Variants in PABPC4L observed in about 807,000 individuals in gnomAD.
PABPC4L encodes polyadenylate-binding protein 4-like.
For synonymous variants in PABPC4L, 169 were observed against 164.1 expected (o/e 1.03, Z -0.23); for missense variants, 452 against 451.4 (o/e 1.00, Z -0.01).
chr4:133,996,636 C>T, the PABPC4L span, among the ~76,000 whole-genome samples: 1 of 152,166 alleles, frequency 6.6e-6, no homozygotes, highest in Non-Finnish European at 1.5e-5. Context: ...GCATTCCTCA[C>T]ACAGGGCACC....
At chr4:134,147,518 T>C in the PABPC4L span, among the ~76,000 whole-genome samples, 2 of 152,258 alleles carry the variant, frequency 1.3e-5, no homozygotes, top group South Asian at 4.1e-4. Flanking sequence ...AAGGGGTTTA[T>C]TATATAGGAG....
chr4:134,141,395 T>A, the PABPC4L span, among the ~76,000 whole-genome samples: 1 of 151,316 alleles, frequency 6.6e-6, no homozygotes, highest in Non-Finnish European at 1.5e-5. Flanking sequence ...GTATGCTTCC[T>A]TTCATCACCT....
the PABPC4L span, among the ~76,000 whole-genome samples, chr4:134,177,213 T>C: frequency 2.1e-5 from 3 of 146,052 alleles, no homozygotes; most frequent in East Asian, 4.2e-4. Context: ...AGACGTAGTC[T>C]AGCTGTCACC....
the PABPC4L span, among the ~76,000 whole-genome samples, chr4:134,050,423 C>T: frequency 1.4e-4 from 22 of 152,032 alleles, no homozygotes; most frequent in African/African-American, 4.8e-4. Flanking sequence ...AAGTGAAAGA[C>T]GGCTGATGCA....
At chr4:134,183,521 T>A in the PABPC4L span, among the ~76,000 whole-genome samples, 1 of 151,762 alleles carries the variant, frequency 6.6e-6, no homozygotes, top group South Asian at 2.1e-4. Context: ...CCATGCTTAT[T>A]ACCTGGGTGA....
At chr4:134,172,015 G>A in the PABPC4L span, among the ~76,000 whole-genome samples, 1 of 151,628 alleles carries the variant, frequency 6.6e-6, no homozygotes, top group Non-Finnish European at 1.5e-5. Flanking sequence ...AAAAATCAAA[G>A]ATGACATGAA....
At chr4:134,010,540 A>G in the PABPC4L span, 2 of 152,144 alleles carry the variant, frequency 1.3e-5, no homozygotes, top group Non-Finnish European at 2.9e-5. Flanking sequence ...TCTCCCTTTC[A>G]TAATAGTAGG....
the PABPC4L span, among the ~76,000 whole-genome samples, chr4:134,183,883 C>T: frequency 6.6e-6 from 1 of 151,358 alleles, no homozygotes; most frequent in Admixed American, 6.6e-5. Context: ...CAAAAAAAGC[C>T]ATGATTGCAA....
chr4:134,159,826 C>A, the PABPC4L span, among the ~76,000 whole-genome samples: 1 of 152,114 alleles, frequency 6.6e-6, no homozygotes, highest in Non-Finnish European at 1.5e-5. Flanking sequence ...AGAGTGCCTG[C>A]ATCACCCCTC....
the PABPC4L span, among the ~76,000 whole-genome samples, chr4:134,033,210 A>G: frequency 6.6e-6 from 1 of 151,784 alleles, no homozygotes; most frequent in African/African-American, 2.4e-5. Context: ...TTACAATTGT[A>G]ACTGTTCTGG....
the PABPC4L span, among the ~76,000 whole-genome samples, chr4:134,123,050 C>T: frequency 2.0e-5 from 3 of 151,940 alleles, no homozygotes; most frequent in East Asian, 1.9e-4. Context: ...AGCATTGCTC[C>T]TAGAGGAAAT....
At chr4:133,959,295 A>C in the PABPC4L span, among the ~76,000 whole-genome samples, 1 of 152,330 alleles carries the variant, frequency 6.6e-6, no homozygotes, top group Non-Finnish European at 1.5e-5. Context: ...TTGTGATAAT[A>C]GCAATGAAGG....
chr4:134,011,970 C>A, the PABPC4L span, among the ~76,000 whole-genome samples: 1 of 152,010 alleles, frequency 6.6e-6, no homozygotes, highest in African/African-American at 2.4e-5. Flanking sequence ...CTTATTTGTG[C>A]CCATATGTAC....
chr4:134,182,389 T>G, the PABPC4L span, among the ~76,000 whole-genome samples: 3,413 of 151,866 alleles, frequency 0.022, 130 homozygotes, highest in African/African-American at 0.078. Context: ...GGGATAACTG[T>G]CTAGTCATAT....
chr4:134,148,741 AT>A, the PABPC4L span, among the ~76,000 whole-genome samples: 2 of 152,136 alleles, frequency 1.3e-5, no homozygotes, highest in Admixed American at 1.3e-4. Flanking sequence ...TCTCATAAAA[AT>A]TATGGTCTGT....
chr4:134,131,413 GA>G, the PABPC4L span, among the ~76,000 whole-genome samples: 2 of 151,808 alleles, frequency 1.3e-5, no homozygotes, highest in Admixed American at 1.3e-4. Context: ...ACCAAGCTGA[GA>G]ATCAAATGAA....
At chr4:134,129,532 C>A in the PABPC4L span, among the ~76,000 whole-genome samples, 1 of 151,948 alleles carries the variant, frequency 6.6e-6, no homozygotes, top group Admixed American at 6.6e-5. Context: ...ACCCCCAAAC[C>A]ATTCAAATAC....
At chr4:134,192,889 G>A (rs968708441), downstream of PABPC4L, among the ~76,000 whole-genome samples, 7 of 152,096 alleles carry the variant, frequency 4.6e-5, no homozygotes, top group African/African-American at 1.7e-4. Context: ...TTGGGAGAGA[G>A]TTGGAGGGGT....
At chr4:134,099,461 A>G in the PABPC4L span, among the ~76,000 whole-genome samples, 12 of 151,872 alleles carry the variant, frequency 7.9e-5, no homozygotes, top group East Asian at 1.9e-3. Context: ...GCACAAAACT[A>G]GTTTGTAAAT....
Sources: gnomAD v4.1 joint callset for allele counts (sites outside exome capture counted in the v4.1 genomes callset) on GRCh38, gnomAD v4.1.1 for gene constraint, MANE v1.5 for transcripts, NCBI Gene and HGNC (gene_info 2026-07-23, HGNC 2026-07-21) for gene names.